Variants in CADPS observed in about 807,000 individuals in gnomAD.
CADPS encodes calcium-dependent secretion activator 1.
A neutral mutation model predicts 167.3 loss-of-function variants in CADPS; 57 were observed. The observed-to-expected ratio is 0.34, with a 90% CI of 0.28 to 0.42. The LOEUF (loss-of-function observed/expected upper bound fraction) is 0.42, where lower values mean the gene tolerates loss of function less well. CADPS is among the 20% of genes least tolerant of loss of function. The pLI, the probability that CADPS is intolerant of heterozygous loss-of-function variation, is 1.00. For synonymous variants in CADPS, 676 were observed against 635.3 expected (o/e 1.06, Z -0.96); for missense variants, 1,414 against 1,738.1 (o/e 0.81, Z 3.32).
chr3:62,833,395 T>A (rs2075409489), intron 1 of CADPS, among the ~76,000 whole-genome samples: 1 of 151,650 alleles, frequency 6.6e-6, no homozygotes, highest in South Asian at 2.1e-4. Flanking sequence ...CCTCAAGCAA[T>A]CCTCCTGCCT....
At chr3:62,591,808 C>A (rs2086108122) in intron 7 of CADPS, among the ~76,000 whole-genome samples, 1 of 152,006 alleles carries the variant, frequency 6.6e-6, no homozygotes, top group Non-Finnish European at 1.5e-5. Flanking sequence ...GGTGCCAGTC[C>A]CTGTTGGCAC....
intron 12 of CADPS, among the ~76,000 whole-genome samples, chr3:62,533,356 A>T (rs1232111908): frequency 1.3e-5 from 2 of 152,174 alleles, no homozygotes; most frequent in Non-Finnish European, 2.9e-5. Flanking sequence ...TTCCAGAAAC[A>T]GTGTCTCACC....
chr3:62,759,835 G>A lies in CADPS; in HGVS notation c.555+6036C>T, dbSNP rs111786118. Among the ~76,000 whole-genome samples, 119 of 151,986 alleles carry A rather than the reference G, an allele frequency of 7.8e-4. 1 individual carries two copies. Among genetic ancestry groups the A allele is most frequent in the African/African-American group, 2.8e-3 (115 of 41,436 alleles). ...TATAGTGGGCATGTTTTACTTTCAC[G>A]GTCATTTGAAACACATCTTTTCTAC... On this transcript the variant is annotated intron_variant, in intron 2 of 29. Transcript: ENST00000383710.
chr3:62,549,447 G>GTT (rs3074235), intron 11 of CADPS, among the ~76,000 whole-genome samples: 9,318 of 129,206 alleles, frequency 0.072, 532 homozygotes, highest in East Asian at 0.18. Context: ...CATGTTTTGT[G>GTT]TTTTTTTTTT....
chr3:62,785,616 G>A (rs2092341866), intron 1 of CADPS, among the ~76,000 whole-genome samples: 2 of 152,200 alleles, frequency 1.3e-5, no homozygotes, highest in South Asian at 4.1e-4. Context: ...CTCAAGGTGA[G>A]TAAGCTGATG....
chr3:62,486,744 G>T (rs753963374), intron 21 of CADPS, among the ~76,000 whole-genome samples: 3 of 152,230 alleles, frequency 2.0e-5, no homozygotes, highest in Non-Finnish European at 4.4e-5. Context: ...TTATTGAAGT[G>T]GTAGTGTAAA....
chr3:62,816,731 A>G (rs1260228394), intron 1 of CADPS, among the ~76,000 whole-genome samples: 3 of 152,010 alleles, frequency 2.0e-5, no homozygotes, highest in Middle Eastern at 3.2e-3. Flanking sequence ...TTTTCACAGG[A>G]GAGCTTTAAA....
intron 13 of CADPS, among the ~76,000 whole-genome samples, chr3:62,519,496 C>A (rs905959583): frequency 6.6e-6 from 1 of 152,080 alleles, no homozygotes; most frequent in South Asian, 2.1e-4. Flanking sequence ...AAAAAATACC[C>A]CCAAACAGTA....
At chr3:62,726,412 T>C (rs894852942) in intron 3 of CADPS, among the ~76,000 whole-genome samples, 5 of 151,882 alleles carry the variant, frequency 3.3e-5, no homozygotes, top group African/African-American at 1.2e-4. Flanking sequence ...GGTTCCAGAC[T>C]AAAGAGTCAT....
At chr3:62,829,011 G>T (rs2074572329) in intron 1 of CADPS, among the ~76,000 whole-genome samples, 1 of 152,116 alleles carries the variant, frequency 6.6e-6, no homozygotes, top group Non-Finnish European at 1.5e-5. Flanking sequence ...CTGTGGACAT[G>T]CTTAGTCTAG....
intron 1 of CADPS, among the ~76,000 whole-genome samples, chr3:62,832,316 G>A (rs1308210357): frequency 2.6e-5 from 4 of 152,202 alleles, no homozygotes; most frequent in Admixed American, 6.5e-5. Flanking sequence ...AAGTGTTTAT[G>A]TTAAGCTTTA....
chr3:62,530,747 G>T (rs980195947), intron 13 of CADPS: 4 of 1,288,904 alleles, frequency 3.1e-6, no homozygotes, highest in Non-Finnish European at 4.0e-6. Context: ...AGGTGGGGAG[G>T]GAGTTTTGCT....
In CADPS at chr3:62,536,332, T is replaced by A. The variant is rs557966592; in HGVS notation, c.2103+113A>T. ...CAGGAAATCGGGAACACATTTATAA[T>A]TGTTAAAGGGATTCTGTAATGGAGA... On this transcript the variant is annotated intron_variant, in intron 12 of 29. Coordinates refer to ENST00000383710, the MANE Select transcript of CADPS (RefSeq NM_003716.4). The A allele has an allele frequency of 2.1e-5, 19 of 903,266 alleles. No individual in the cohort carries two copies. In the African/African-American group the frequency reaches 3.0e-4, roughly 14 times the overall value. 56.0% of individuals were successfully genotyped at this position (903,266 alleles called of 1,614,324 possible). A position where few individuals can be genotyped will look rare whatever the true frequency, so the allele number is the denominator to read the frequency against.
chr3:62,842,262 C>T (rs1352190140), intron 1 of CADPS, among the ~76,000 whole-genome samples: 1 of 152,184 alleles, frequency 6.6e-6, no homozygotes, highest in African/African-American at 2.4e-5. Flanking sequence ...GAGGTAGGCG[C>T]TATCATCCCT....
At chr3:62,442,106 A>G (rs1211527724) in intron 27 of CADPS, among the ~76,000 whole-genome samples, 1 of 152,074 alleles carries the variant, frequency 6.6e-6, no homozygotes, top group Admixed American at 6.6e-5. Flanking sequence ...AAAAAACAAA[A>G]ACAAACCAGA....
At chr3:62,706,144 C>A (rs1431136236) in intron 3 of CADPS, among the ~76,000 whole-genome samples, 2 of 152,018 alleles carry the variant, frequency 1.3e-5, no homozygotes, top group Non-Finnish European at 2.9e-5. Context: ...GTAGGCATTC[C>A]TTTTGCTTGG....
Position 62,551,619 on chromosome 3 carries a change from A to G in CADPS, c.1754-1504T>C, listed in dbSNP as rs924822352. ...AAGCGTTGGTTCTGACAAGGCCTGA[A>G]AGCCTCCCATGAATTGGTCCTCTGC... is the stretch of plus-strand genomic sequence containing the variant. On this transcript the variant is annotated intron_variant, in intron 10 of 29. Coordinates refer to ENST00000383710, the MANE Select transcript of CADPS (RefSeq NM_003716.4). Among the ~76,000 whole-genome samples, 8 of 152,226 alleles carry G rather than the reference A, an allele frequency of 5.3e-5. No individual in the cohort carries two copies. In the South Asian group the frequency reaches 1.2e-3, roughly 24 times the overall value.
At chr3:62,580,874 T>G (rs1413255102) in intron 8 of CADPS, among the ~76,000 whole-genome samples, 1 of 152,220 alleles carries the variant, frequency 6.6e-6, no homozygotes, top group Non-Finnish European at 1.5e-5. Flanking sequence ...GACATAAAAT[T>G]TCCCTGATGT....
intron 27 of CADPS, chr3:62,440,835 A>C (rs1303496406): frequency 1.3e-5 from 2 of 152,134 alleles, no homozygotes; most frequent in Non-Finnish European, 2.9e-5. Context: ...ATGCAGACTC[A>C]CCAACCGCTG....
Sources: gnomAD v4.1 joint callset for allele counts (sites outside exome capture counted in the v4.1 genomes callset) on GRCh38, gnomAD v4.1.1 for gene constraint, MANE v1.5 for transcripts, NCBI Gene and HGNC (gene_info 2026-07-23, HGNC 2026-07-21) for gene names.